RFX8: variants seen among roughly 807,000 people sequenced by gnomAD.
RFX8 encodes regulatory factor X8, also known as DNA-binding protein RFX8.
Under a neutral mutation model 54.6 loss-of-function variants are expected in RFX8, and 46 were observed. The ratio of observed to expected loss-of-function variants is 0.84; its 90% CI spans 0.67 to 1.08. The LOEUF is 1.08. Ranked by LOEUF, RFX8 falls within the 50% of genes least tolerant of loss-of-function variation. The pLI is 0.00. For missense variants in RFX8, 536 were observed against 562.3 expected, an observed-to-expected ratio of 0.95 and a Z score of 0.47; for synonymous variants, 192 against 209.5, an observed-to-expected ratio of 0.92 and a Z score of 0.72.
intron 1 of RFX8, among the ~76,000 whole-genome samples, chr2:101,471,610 G>A (rs1689995387): frequency 1.3e-5 from 2 of 152,132 alleles, no homozygotes; most frequent in Admixed American, 1.3e-4. Context: ...GACCTGCTAG[G>A]TCTGCATCCC....
Position 101,413,041 on chromosome 2 carries a change from G to T in RFX8, c.592C>A (p.Arg198Ser), listed in dbSNP as rs1490401164. The T allele has an allele frequency of 1.9e-6, 3 of 1,551,814 alleles. No homozygotes were observed. The highest frequency in any genetic ancestry group is 2.7e-5 in the African/African-American group (2 of 73,010). Residue 198 changes from arginine (R) to serine (S), a missense_variant, in exon 8 of 12, where the codon CGT (arginine) becomes AGT (serine). Arg to Ser is a moderately radical substitution (Grantham distance 110). Transcript: ENST00000428343. ...AGATCTGACTTCAAAACGCTGACAC[G>T]CCTCTTACTTTTCAATACCATTCGC... Reference protein sequence around the residue: ...TMRMVLKSKRRVSVLKSDLQA... With the variant: ...TMRMVLKSKRSVSVLKSDLQA...
At chr2:101,471,847 G>A (rs1251085749) in intron 1 of RFX8, among the ~76,000 whole-genome samples, 2 of 152,214 alleles carry the variant, frequency 1.3e-5, no homozygotes, top group African/African-American at 2.4e-5. Context: ...GTCCTAACAA[G>A]CGACTGATTA....
chr2:101,421,578 A>G (rs1217428733), intron 4 of RFX8, 146 bp downstream of exon 4: 14 of 1,414,818 alleles, frequency 9.9e-6, no homozygotes, highest in African/African-American at 1.5e-5. Flanking sequence ...CAACATAGGT[A>G]CATAGCATGT....
At chr2:101,427,678 T>A (rs1687254680) in intron 2 of RFX8, among the ~76,000 whole-genome samples, 1 of 152,124 alleles carries the variant, frequency 6.6e-6, no homozygotes, top group South Asian at 2.1e-4. Flanking sequence ...CCCTCTCTAA[T>A]CACTCTTGCC....
chr2:101,410,827 A>C, intron 8 of RFX8, 114 bp from the exon 9 acceptor site: 1 of 626,698 alleles, frequency 1.6e-6, no homozygotes, highest in Non-Finnish European at 2.9e-6. Flanking sequence ...GCTCGAAGGG[A>C]CTCCCCAGGG....
intron 2 of RFX8, among the ~76,000 whole-genome samples, chr2:101,459,967 C>G (rs1444057430): frequency 6.6e-6 from 1 of 152,184 alleles, no homozygotes; most frequent in Non-Finnish European, 1.5e-5. Context: ...CACCCCCCAC[C>G]TGGCCGCATC....
intron 2 of RFX8, among the ~76,000 whole-genome samples, chr2:101,455,055 C>T (rs1688894825): frequency 7.0e-6 from 1 of 143,062 alleles, no homozygotes; most frequent in South Asian, 2.2e-4. Flanking sequence ...ACTCTTGTTG[C>T]CGTGGAGTGC....
chr2:101,469,845 T>C (rs1558897736), intron 1 of RFX8, among the ~76,000 whole-genome samples: 1 of 152,140 alleles, frequency 6.6e-6, no homozygotes, highest in East Asian at 1.9e-4. Flanking sequence ...TAAAGGTCTG[T>C]GGCCAAGAGT....
intron 2 of RFX8, among the ~76,000 whole-genome samples, chr2:101,463,213 C>G (rs1004828226): frequency 3.3e-5 from 5 of 152,180 alleles, no homozygotes; most frequent in Non-Finnish European, 7.3e-5. Flanking sequence ...AGGCATTTAG[C>G]TGAAATGTGG....
Position 101,446,543 on chromosome 2 carries a change from C to A in RFX8, c.72+20234G>T, listed in dbSNP as rs574571929. Among the ~76,000 whole-genome samples, 3 of 152,222 alleles carry A rather than the reference C, an allele frequency of 2.0e-5. No individual in the cohort carries two copies. The East Asian group carries it at 5.8e-4, about 29-fold the overall frequency. On this transcript the variant is annotated intron_variant, in intron 2 of 11. Transcript: ENST00000428343. ...AAAGCACCTGTTGCTGGCCTTATCT[C>A]ATGACCAGCCGATGTCACTCTTGCC...
intron 2 of RFX8, among the ~76,000 whole-genome samples, chr2:101,448,571 C>T (rs995997072): frequency 7.2e-5 from 11 of 152,114 alleles, no homozygotes; most frequent in African/African-American, 2.7e-4. Flanking sequence ...TCTTATGGTA[C>T]CTTTTGTACA....
At chr2:101,458,930 A>G (rs1457447754) in intron 2 of RFX8, among the ~76,000 whole-genome samples, 1 of 151,840 alleles carries the variant, frequency 6.6e-6, no homozygotes, top group Non-Finnish European at 1.5e-5. Flanking sequence ...TTTTTCTCTA[A>G]TCTTGTCTTT....
chr2:101,401,580 T>C (rs908124), intron 11 of RFX8, among the ~76,000 whole-genome samples: 148,569 of 152,248 alleles, frequency 0.98, 72,641 homozygotes, highest in Middle Eastern at 1. Context: ...AAACATCAAA[T>C]ATGTGCAGAG....
Position 101,411,494 on chromosome 2 carries a change from G to A in RFX8, c.719-781C>T, listed in dbSNP as rs571242333. On this transcript the variant is annotated intron_variant, in intron 8 of 11. Transcript: ENST00000428343. ...ACCAGTGGGCAGTCTGGAAGGCACC[G>A]GGCGGGGGAGGGGGTGTCTCATGCC... 1.7e-3 allele frequency among the ~76,000 whole-genome samples: 16 copies of A among 9,420 alleles called. No individual in the cohort carries two copies. The Non-Finnish European group carries it at 0.037, about 22-fold the overall frequency. 6.2% of individuals were successfully genotyped at this position (9,420 alleles called of 152,430 possible).
At chr2:101,413,664 C>A (rs1412556561) in intron 7 of RFX8, among the ~76,000 whole-genome samples, 1 of 152,188 alleles carries the variant, frequency 6.6e-6, no homozygotes, top group Non-Finnish European at 1.5e-5. Flanking sequence ...CGTGAAGTAA[C>A]TTTCCTGAGG....
chr2:101,467,388 T>C (rs2148995474), intron 1 of RFX8, among the ~76,000 whole-genome samples: 1 of 152,350 alleles, frequency 6.6e-6, no homozygotes, highest in African/African-American at 2.4e-5. Context: ...CTTCCCTCTC[T>C]GATCCCTGTT....
intron 2 of RFX8, among the ~76,000 whole-genome samples, chr2:101,464,398 A>G (rs1246533957): frequency 6.6e-6 from 1 of 152,228 alleles, no homozygotes; most frequent in African/African-American, 2.4e-5. Flanking sequence ...TACCCATCAC[A>G]TGCCCAGTAC....
chr2:101,398,285 A>G (rs949156518), intron 11 of RFX8, among the ~76,000 whole-genome samples: 2 of 152,128 alleles, frequency 1.3e-5, no homozygotes, highest in Non-Finnish European at 2.9e-5. Flanking sequence ...CTCTTTAGGG[A>G]AAGGCAGTTT....
intron 2 of RFX8, among the ~76,000 whole-genome samples, chr2:101,461,262 C>CAAAAAAAAAAAAAAA (rs11350961): frequency 1.6e-4 from 14 of 89,898 alleles, no homozygotes; most frequent in South Asian, 7.8e-4. Context: ...GACTCCATCT[C>CAAAAAAAAAAAAAAA]AAAAAAAAAA....
Sources: gnomAD v4.1 joint callset for allele counts (sites outside exome capture counted in the v4.1 genomes callset) on GRCh38, gnomAD v4.1.1 for gene constraint, MANE v1.5 for transcripts, NCBI Gene and HGNC (gene_info 2026-07-23, HGNC 2026-07-21) for gene names.